Variants in PCDH15 observed in about 807,000 individuals in gnomAD.
The protein encoded by PCDH15 is protocadherin-15.
Under a neutral mutation model 178.5 loss-of-function variants are expected in PCDH15, and 129 were observed. The observed-to-expected ratio is 0.72, with a 90% CI of 0.63 to 0.84. The LOEUF (loss-of-function observed/expected upper bound fraction) is 0.84, where lower values mean the gene tolerates loss of function less well. PCDH15 is among the 40% of genes least tolerant of loss of function. The probability of loss-of-function intolerance (pLI) is 0.00; values close to 1 mark genes in which losing one functional copy is unlikely to be tolerated. For synonymous variants in PCDH15, 800 were observed against 732.0 expected, an observed-to-expected ratio of 1.09 and a Z score of -1.50; for missense variants, 2,230 against 2,099.9, an observed-to-expected ratio of 1.06 and a Z score of -1.21.
chr10:54,226,812 G>A (rs891964360), intron 9 of PCDH15, among the ~76,000 whole-genome samples: 5 of 152,170 alleles, frequency 3.3e-5, no homozygotes, highest in African/African-American at 1.2e-4. Flanking sequence ...TTCCAAATGG[G>A]AGAAATTGGC....
intron 15 of PCDH15, among the ~76,000 whole-genome samples, chr10:54,128,820 A>G (rs1447115577): frequency 2.0e-5 from 3 of 152,162 alleles, no homozygotes; most frequent in Non-Finnish European, 4.4e-5. Context: ...ATATTTCTCT[A>G]AAGTGTTTCT....
At chr10:54,383,521 G>A (rs1269659444) in intron 3 of PCDH15, among the ~76,000 whole-genome samples, 2 of 151,924 alleles carry the variant, frequency 1.3e-5, no homozygotes, top group East Asian at 3.9e-4. Context: ...GTGTAAATGG[G>A]AAAGGTTTAT....
At chr10:53,813,839 C>A (rs1005917344) in intron 35 of PCDH15, among the ~76,000 whole-genome samples, 1 of 151,972 alleles carries the variant, frequency 6.6e-6, no homozygotes, top group Non-Finnish European at 1.5e-5. Flanking sequence ...ATGTTACAGG[C>A]CAGAAGGAAA....
At chr10:54,310,933 C>T (rs117240213) in intron 8 of PCDH15, among the ~76,000 whole-genome samples, 2,324 of 152,138 alleles carry the variant, frequency 0.015, 25 homozygotes, top group Non-Finnish European at 0.023. Flanking sequence ...ATTTCCCAGA[C>T]TGTAATATAT....
At chr10:53,910,573 G>T (rs554239047) in intron 25 of PCDH15, among the ~76,000 whole-genome samples, 1 of 152,284 alleles carries the variant, frequency 6.6e-6, no homozygotes, top group South Asian at 2.1e-4. Context: ...GAGCAGAAAA[G>T]CTGAAAATTC....
chr10:54,061,598 T>C (rs1036822235), intron 18 of PCDH15, among the ~76,000 whole-genome samples: 2 of 152,132 alleles, frequency 1.3e-5, no homozygotes, highest in Admixed American at 1.3e-4. Context: ...GCTTTTCTCA[T>C]GAACCCTAAC....
intron 29 of PCDH15, among the ~76,000 whole-genome samples, chr10:53,832,128 A>G (rs903268133): frequency 4.0e-5 from 6 of 151,402 alleles, no homozygotes; most frequent in African/African-American, 1.5e-4. Context: ...TGGTGAAGAC[A>G]TTTAAAAGAC....
intron 15 of PCDH15, among the ~76,000 whole-genome samples, chr10:54,100,963 G>A (rs967924695): frequency 1.3e-5 from 2 of 152,016 alleles, no homozygotes; most frequent in South Asian, 4.1e-4. Flanking sequence ...CTCCAGTTAA[G>A]GTCTGAAAAT....
intron 2 of PCDH15, among the ~76,000 whole-genome samples, chr10:55,031,066 C>T (rs1840598277): frequency 6.6e-6 from 1 of 151,910 alleles, no homozygotes. Flanking sequence ...AGTGAAAGTC[C>T]TTTATCCCAA....
In PCDH15 at chr10:54,949,712, T is replaced by C. The variant is rs912770480; in HGVS notation, c.-79-52212A>G. On this transcript the variant is annotated intron_variant, in intron 2 of 5. Coordinates refer to the PCDH15 transcript ENST00000458638. ...AAGGGAGCCCAAGTCACCTCTTGAA[T>C]GCTTTGCTGCCTAGTAATTTCTTCC... is the stretch of plus-strand genomic sequence containing the variant. 5.3e-5 allele frequency among the ~76,000 whole-genome samples: 8 copies of C among 152,168 alleles called. No homozygotes were observed. The East Asian group carries it at 1.2e-3, about 22-fold the overall frequency.
intron 2 of PCDH15, among the ~76,000 whole-genome samples, chr10:54,929,457 T>C (rs1837713381): frequency 6.6e-6 from 1 of 152,156 alleles, no homozygotes; most frequent in South Asian, 2.1e-4. Flanking sequence ...TTTCCTGATG[T>C]TGGAGAGATT....
At chr10:54,543,038 C>T (rs1337775036) in intron 2 of PCDH15, among the ~76,000 whole-genome samples, 6 of 152,246 alleles carry the variant, frequency 3.9e-5, no homozygotes, top group Non-Finnish European at 8.8e-5. Flanking sequence ...GACACTGGCA[C>T]GCGTGCAGGC....
intron 2 of PCDH15, among the ~76,000 whole-genome samples, chr10:55,453,523 T>G (rs1428416013): frequency 1.3e-5 from 2 of 152,114 alleles, no homozygotes; most frequent in African/African-American, 4.8e-5. Flanking sequence ...CTCAGCCACT[T>G]CCTTTTCCTG....
intron 2 of PCDH15, among the ~76,000 whole-genome samples, chr10:54,627,503 T>A (rs1188412596): frequency 1.3e-5 from 2 of 152,148 alleles, no homozygotes; most frequent in Non-Finnish European, 2.9e-5. Context: ...GCCATCCACA[T>A]AAGATGTGAC....
chr10:54,722,951 TTAAAG>T (rs1481145711), intron 1 of PCDH15, among the ~76,000 whole-genome samples: 1 of 151,654 alleles, frequency 6.6e-6, no homozygotes, highest in Non-Finnish European at 1.5e-5. Context: ...ATCAACATCA[TTAAAG>T]TAAACATACT....
intron 2 of PCDH15, among the ~76,000 whole-genome samples, chr10:55,499,786 G>T (rs1186175427): frequency 6.6e-6 from 1 of 151,636 alleles, no homozygotes; most frequent in Non-Finnish European, 1.5e-5. Flanking sequence ...ATATTAAAAT[G>T]TATGATTTAA....
At chr10:53,809,152 TCA>T (rs747270113) in intron 37 of PCDH15, 2 of 1,614,004 alleles carry the variant, frequency 1.2e-6, no homozygotes, top group South Asian at 2.2e-5. Context: ...CTCCTCCTCC[TCA>T]GAGGGTGTCT....
intron 2 of PCDH15, among the ~76,000 whole-genome samples, chr10:55,393,688 T>A (rs1296928403): frequency 6.6e-6 from 1 of 152,142 alleles, no homozygotes; most frequent in Non-Finnish European, 1.5e-5. Context: ...TCAGTCAAAT[T>A]ATCAGATTCC....
At chr10:54,987,689 T>C (rs1839405772) in intron 2 of PCDH15, among the ~76,000 whole-genome samples, 1 of 151,584 alleles carries the variant, frequency 6.6e-6, no homozygotes, top group Non-Finnish European at 1.5e-5. Context: ...GTTTATATCC[T>C]TTGCCCACTT....
Sources: allele counts gnomAD v4.1 joint callset (sites outside exome capture counted in the v4.1 genomes callset), GRCh38; gene constraint gnomAD v4.1.1; transcripts MANE v1.5; gene names NCBI Gene and HGNC (gene_info 2026-07-23, HGNC 2026-07-21).